Variants in SEMA5B observed in about 807,000 individuals in gnomAD.
SEMA5B encodes the protein semaphorin-5B.
A neutral mutation model predicts 135.0 loss-of-function variants in SEMA5B; 66 were observed. The observed-to-expected ratio is 0.49, with a 90% CI of 0.40 to 0.60. The LOEUF is 0.60. Ranked by LOEUF, SEMA5B falls within the 20% of genes least tolerant of loss-of-function variation. The probability of loss-of-function intolerance (pLI) is 0.00; values close to 1 mark genes in which losing one functional copy is unlikely to be tolerated. For missense variants in SEMA5B, 1,501 were observed against 1,566.3 expected (o/e 0.96, Z 0.70); for synonymous variants, 690 against 639.5 (o/e 1.08, Z -1.19).
At position 122,966,566 on chromosome 3, in the gene SEMA5B, ATTT is replaced by A. The variant is rs1553778673; in HGVS notation, c.-38-5268_-38-5266del. On this transcript the variant is annotated intron_variant, in intron 1 of 22. Transcript: ENST00000357599. ...TATTATTATTATTATTATTATTATT[ATTT>A]TTTGAGACGGAGTCTCGCTCTATCA... Among the ~76,000 whole-genome samples, 46 of 115,888 alleles carry A rather than the reference ATTT, an allele frequency of 4.0e-4. No homozygotes were observed. In the East Asian group the frequency reaches 4.7e-3, roughly 12 times the overall value. 76.0% of individuals were successfully genotyped at this position (115,888 alleles called of 152,430 possible).
intron 1 of SEMA5B, among the ~76,000 whole-genome samples, chr3:122,972,423 T>TC (rs1375074462): frequency 6.6e-6 from 1 of 152,168 alleles, no homozygotes; most frequent in Non-Finnish European, 1.5e-5. Flanking sequence ...TCCAGATCTC[T>TC]CCCCTCATCC....
chr3:122,940,083 C>T (rs949318254), intron 4 of SEMA5B, among the ~76,000 whole-genome samples: 6 of 152,182 alleles, frequency 3.9e-5, no homozygotes, highest in South Asian at 2.1e-4. Context: ...CTAACCCAAA[C>T]GACCCCATCC....
chr3:122,984,981 A>C (rs1000119754), intron 1 of SEMA5B, among the ~76,000 whole-genome samples: 2 of 152,178 alleles, frequency 1.3e-5, no homozygotes, highest in Non-Finnish European at 2.9e-5. Flanking sequence ...AGAATGAATA[A>C]AGTGTCTAGG....
intron 16 of SEMA5B, 22 bp from the exon 17 acceptor site, chr3:122,913,446 G>A (rs759034734): frequency 1.3e-6 from 2 of 1,561,224 alleles, no homozygotes; most frequent in Non-Finnish European, 8.6e-7. Context: ...GGCAGAGGCA[G>A]CTTTAGAACC....
intron 1 of SEMA5B, among the ~76,000 whole-genome samples, chr3:123,026,307 C>A (rs1942797683): frequency 6.6e-6 from 1 of 152,238 alleles, no homozygotes; most frequent in Non-Finnish European, 1.5e-5. Flanking sequence ...TGCTCTCACC[C>A]CGCCCCTCTG....
chr3:123,011,931 C>T (rs182249709), intron 1 of SEMA5B, among the ~76,000 whole-genome samples: 2 of 152,184 alleles, frequency 1.3e-5, no homozygotes, highest in African/African-American at 4.8e-5. Context: ...TCTGCCTCCT[C>T]GAATTGCTTG....
At chr3:122,940,237 G>A (rs921241667) in intron 4 of SEMA5B, among the ~76,000 whole-genome samples, 3 of 152,232 alleles carry the variant, frequency 2.0e-5, no homozygotes, top group African/African-American at 7.2e-5. Flanking sequence ...TATCATAAGT[G>A]TCAGCTGCTG....
chr3:122,998,481 A>G (rs1942082531), intron 1 of SEMA5B, among the ~76,000 whole-genome samples: 1 of 152,214 alleles, frequency 6.6e-6, no homozygotes, highest in Non-Finnish European at 1.5e-5. Flanking sequence ...ATTTCACCAG[A>G]TGTGAGAGGA....
intron 1 of SEMA5B, among the ~76,000 whole-genome samples, chr3:122,995,241 C>T (rs773334561): frequency 6.6e-6 from 1 of 152,182 alleles, no homozygotes; most frequent in Non-Finnish European, 1.5e-5. Context: ...TTTTCTGGAA[C>T]AGAACCCAGG....
intron 5 of SEMA5B, among the ~76,000 whole-genome samples, chr3:122,937,851 A>G (rs1444278011): frequency 6.6e-6 from 1 of 152,214 alleles, no homozygotes; most frequent in African/African-American, 2.4e-5. Flanking sequence ...CACAGGAACC[A>G]AATAAAAACC....
At position 122,922,202 on chromosome 3, in the gene SEMA5B, C is replaced by T. The variant is rs111878779; in HGVS notation, c.1480+38G>A. On this transcript the variant is annotated intron_variant, in intron 11 of 22. Transcript: ENST00000357599. ...AGCCCCGCGCCGTCCCTCAACCCAC[C>T]CCCGACCTGCAGTCCAGGTTGGACC... is the stretch of plus-strand genomic sequence containing the variant. The T allele has an allele frequency of 1.1e-5, 17 of 1,587,736 alleles. No individual in the cohort carries two copies. In the African/African-American group the frequency reaches 1.1e-4, roughly 10 times the overall value.
chr3:122,988,851 C>T (rs1941779209), intron 1 of SEMA5B, among the ~76,000 whole-genome samples: 2 of 152,258 alleles, frequency 1.3e-5, no homozygotes, highest in African/African-American at 4.8e-5. Flanking sequence ...GCCAGAGACA[C>T]ATCACCTAGC....
chr3:122,928,530 C>T lies in SEMA5B; in HGVS notation c.623G>A (p.Cys208Tyr), dbSNP rs1938768106. The T allele has an allele frequency of 2.6e-6, 4 of 1,561,728 alleles. No homozygotes were observed. Among genetic ancestry groups the T allele is most frequent in the Admixed American group, 1.9e-5 (1 of 52,996 alleles). Residue 208 changes from cysteine (C) to tyrosine (Y), a missense_variant, in exon 7 of 23, where the codon TGC becomes TAC. Transcript: ENST00000357599. ...TGAGGTGCCCACCTGTCTGCTGGTGCACATGGGGGAAAAGGCATTGGTTCC... is the reference window on the plus strand; with the variant it reads ...TGAGGTGCCCACCTGTCTGCTGGTGTACATGGGGGAAAAGGCATTGGTTCC... ...MCGTNAFSPM[C>Y]TSRQVGNLSR... is the part of the protein sequence containing the mutation.
At chr3:122,965,934 G>A (rs1940798102) in intron 1 of SEMA5B, among the ~76,000 whole-genome samples, 2 of 152,202 alleles carry the variant, frequency 1.3e-5, no homozygotes, top group Non-Finnish European at 2.9e-5. Flanking sequence ...GCCAGACAGT[G>A]GGAGCTCAGC....
intron 12 of SEMA5B, among the ~76,000 whole-genome samples, chr3:122,919,996 C>T (rs1304706305): frequency 6.6e-6 from 1 of 152,162 alleles, no homozygotes; most frequent in Non-Finnish European, 1.5e-5. Flanking sequence ...CCTTTCCTTC[C>T]TCCCGTCCAC....
intron 6 of SEMA5B, 140 bp from the exon 7 acceptor site, chr3:122,928,755 C>G (rs1194094677): frequency 9.3e-6 from 7 of 755,092 alleles, no homozygotes; most frequent in African/African-American, 1.7e-5. Context: ...GTCCCGACGT[C>G]CGGGTCACGT....
In SEMA5B at chr3:122,967,936, G is replaced by C. The variant is rs372552976; in HGVS notation, c.-38-6635C>G. 3.9e-5 allele frequency among the ~76,000 whole-genome samples: 6 copies of C among 152,282 alleles called. No homozygotes were observed. The East Asian group carries it at 5.8e-4, about 15-fold the overall frequency. ...GGCTCTGCCCTCTCACTCACTCTGC[G>C]TGCACAAGAGACCATGCACCGGGCC... On this transcript the variant is annotated intron_variant, in intron 1 of 22. Transcript: ENST00000357599.
At chr3:122,988,824 A>T (rs1941778540) in intron 1 of SEMA5B, among the ~76,000 whole-genome samples, 2 of 152,232 alleles carry the variant, frequency 1.3e-5, no homozygotes, top group Non-Finnish European at 2.9e-5. Context: ...CCTCCTCGAG[A>T]CTGGGAGCTC....
At chr3:122,937,926 C>A (rs1939372789) in intron 5 of SEMA5B, among the ~76,000 whole-genome samples, 1 of 152,212 alleles carries the variant, frequency 6.6e-6, no homozygotes, top group African/African-American at 2.4e-5. Flanking sequence ...TGAACCTCCT[C>A]TGCACTGGCT....
Sources: allele counts gnomAD v4.1 joint callset (sites outside exome capture counted in the v4.1 genomes callset), GRCh38; gene constraint gnomAD v4.1.1; transcripts MANE v1.5; gene names NCBI Gene and HGNC (gene_info 2026-07-23, HGNC 2026-07-21).